Variants in CAPZB observed in about 807,000 individuals in gnomAD.
The protein encoded by CAPZB is capping actin protein of muscle Z-line subunit beta.
A neutral mutation model predicts 38.1 loss-of-function variants in CAPZB; 2 were observed. The ratio of observed to expected loss-of-function variants is 0.05; its 90% CI spans 0.02 to 0.17. The LOEUF (loss-of-function observed/expected upper bound fraction) is 0.17, where lower values mean the gene tolerates loss of function less well. Ranked by LOEUF, CAPZB falls within the 10% of genes least tolerant of loss-of-function variation. CAPZB has a pLI of 1.00. For synonymous variants in CAPZB, 107 were observed against 127.4 expected, an observed-to-expected ratio of 0.84 and a Z score of 1.08; for missense variants, 161 against 334.2, an observed-to-expected ratio of 0.48 and a Z score of 4.04.
Position 19,405,856 on chromosome 1 carries a change from T to G in CAPZB, c.93+13805A>C, listed in dbSNP as rs1197476447. ...CGAGAGCTCGCCTGAAGGTTTCAAT[T>G]ACATAAAAGGCAATGGGCCCATTAG... On this transcript the variant is annotated intron_variant, in intron 2 of 8. Coordinates refer to ENST00000264202, the MANE Select transcript of CAPZB (RefSeq NM_004930.5). 5.9e-5 allele frequency among the ~76,000 whole-genome samples: 9 copies of G among 152,140 alleles called. No individual in the cohort carries two copies. In the East Asian group the frequency reaches 1.7e-3, roughly 29 times the overall value.
At chr1:19,485,035 G>A (rs942905628) in intron 1 of CAPZB, among the ~76,000 whole-genome samples, 1 of 152,136 alleles carries the variant, frequency 6.6e-6, no homozygotes. Context: ...GGCCTAGCCT[G>A]GGCCGGAGAG....
At chr1:19,383,669 G>A (rs1206742002) in intron 3 of CAPZB, among the ~76,000 whole-genome samples, 1 of 152,028 alleles carries the variant, frequency 6.6e-6, no homozygotes, top group East Asian at 1.9e-4. Context: ...TCTATATGCT[G>A]GGACATCTGC....
chr1:19,427,989 C>G (rs1464060882), intron 1 of CAPZB, among the ~76,000 whole-genome samples: 2 of 152,180 alleles, frequency 1.3e-5, no homozygotes, highest in Non-Finnish European at 2.9e-5. Flanking sequence ...ACACAAAACC[C>G]TGGGAGATGG....
intron 6 of CAPZB, 124 bp from the exon 7 acceptor site, chr1:19,345,376 T>A (rs778325856): frequency 6.8e-5 from 53 of 777,514 alleles, no homozygotes; most frequent in Non-Finnish European, 1.1e-4. Context: ...CAGCTGCAGG[T>A]ATGACAAGGC....
At chr1:19,441,650 G>T (rs1203318562) in intron 1 of CAPZB, among the ~76,000 whole-genome samples, 2 of 151,536 alleles carry the variant, frequency 1.3e-5, no homozygotes, top group Non-Finnish European at 2.9e-5. Context: ...GATGCTGGGT[G>T]GGGTCCCCAG....
intron 4 of CAPZB, among the ~76,000 whole-genome samples, chr1:19,375,487 T>C (rs2094140245): frequency 6.6e-6 from 1 of 152,182 alleles, no homozygotes; most frequent in East Asian, 1.9e-4. Context: ...TCCTCCTTCC[T>C]CCCGAGGTGC....
At chr1:19,430,946 C>G (rs557445085) in intron 1 of CAPZB, among the ~76,000 whole-genome samples, 1 of 152,326 alleles carries the variant, frequency 6.6e-6, no homozygotes, top group East Asian at 1.9e-4. Flanking sequence ...TGCTGGCCAA[C>G]TGAGTGAGCT....
At chr1:19,472,253 T>C (rs961933352) in intron 1 of CAPZB, among the ~76,000 whole-genome samples, 21 of 152,196 alleles carry the variant, frequency 1.4e-4, no homozygotes, top group African/African-American at 5.1e-4. Context: ...ACTGAGGACA[T>C]GGAGACCCTA....
rs869210528 is a variant in CAPZB, at chr1:19,381,684, ATTTTTTTTT to A, written c.216-3040_216-3032del. On this transcript the variant is annotated intron_variant, in intron 3 of 8. Coordinates refer to ENST00000264202, the MANE Select transcript of CAPZB (RefSeq NM_004930.5). Reference sequence around the variant, plus strand: ...AGGCATGTACCACCATGCCCAGCTAATTTTTTTTTTTTTTTTTTTTTTTTTTGAGACAGA... The same window carrying A: ...AGGCATGTACCACCATGCCCAGCTAATTTTTTTTTTTTTTTTTGAGACAGA... 2.0e-4 allele frequency among the ~76,000 whole-genome samples: 17 copies of A among 84,538 alleles called. No homozygotes were observed. The Admixed American group carries it at 2.3e-3, about 11-fold the overall frequency. The allele number at this position is 84,538 out of a possible 152,430, so 55.5% of individuals were successfully genotyped here.
At chr1:19,385,712 G>A in intron 2 of CAPZB, 86 bp from the exon 3 acceptor site, 3 of 1,535,702 alleles carry the variant, frequency 2.0e-6, no homozygotes, top group Non-Finnish European at 2.7e-6. Flanking sequence ...GCCATATTGT[G>A]GTCAGTACCT....
rs1410766709 is a variant in CAPZB, at chr1:19,435,642, A to G, written c.4-15892T>C. On this transcript the variant is annotated intron_variant, in intron 1 of 8. Coordinates refer to ENST00000264202, the MANE Select transcript of CAPZB (RefSeq NM_004930.5). ...TATGCCAATATCTCATGTAATCTTAAAAATGAACCAAGGAGTTAAGTGCCA... is the reference window on the plus strand; with the variant it reads ...TATGCCAATATCTCATGTAATCTTAGAAATGAACCAAGGAGTTAAGTGCCA... Among the ~76,000 whole-genome samples, 3 of 152,366 alleles carry G rather than the reference A, an allele frequency of 2.0e-5. No homozygotes were observed. In the East Asian group the frequency reaches 5.8e-4, roughly 29 times the overall value.
At chr1:19,479,607 T>C (rs2094620349) in intron 1 of CAPZB, among the ~76,000 whole-genome samples, 1 of 152,156 alleles carries the variant, frequency 6.6e-6, no homozygotes, top group Non-Finnish European at 1.5e-5. Context: ...CCACCATCCC[T>C]TCCTTTCCAC....
chr1:19,471,529 TC>T (rs1027610044), intron 1 of CAPZB, among the ~76,000 whole-genome samples: 1 of 151,780 alleles, frequency 6.6e-6, no homozygotes, highest in East Asian at 1.9e-4. Context: ...GGAGGGCCCT[TC>T]GTTGGAACCA....
chr1:19,457,347 G>C (rs956622478), intron 1 of CAPZB, among the ~76,000 whole-genome samples: 16 of 152,140 alleles, frequency 1.1e-4, no homozygotes, highest in Non-Finnish European at 1.9e-4. Context: ...CGCAGTGCTC[G>C]CTTCCGGGCT....
intron 2 of CAPZB, among the ~76,000 whole-genome samples, chr1:19,389,972 C>T (rs1033232359): frequency 6.6e-6 from 1 of 152,188 alleles, no homozygotes; most frequent in African/African-American, 2.4e-5. Flanking sequence ...TGAATTGACT[C>T]CACACCTACA....
chr1:19,397,455 C>T (rs948486744), intron 2 of CAPZB, among the ~76,000 whole-genome samples: 4 of 152,196 alleles, frequency 2.6e-5, no homozygotes, highest in Admixed American at 2.0e-4. Flanking sequence ...TCAATGAAAG[C>T]CATGCGATCC....
intron 1 of CAPZB, among the ~76,000 whole-genome samples, chr1:19,450,165 A>AAAAAGAAAAAAAAAAG (rs2094511051): frequency 1.2e-4 from 15 of 128,140 alleles, no homozygotes; most frequent in African/African-American, 4.8e-4. Flanking sequence ...AAAAAAAAAA[A>AAAAAGAAAAAAAAAAG]AAAAGAAAAG....
At chr1:19,382,228 C>T (rs535987022) in intron 3 of CAPZB, among the ~76,000 whole-genome samples, 93 of 152,296 alleles carry the variant, frequency 6.1e-4, no homozygotes, top group African/African-American at 2.2e-3. Context: ...GCATTTCAAG[C>T]TGTTAGTCCT....
intron 1 of CAPZB, among the ~76,000 whole-genome samples, chr1:19,473,349 T>C (rs1026598785): frequency 6.6e-6 from 1 of 152,208 alleles, no homozygotes; most frequent in Non-Finnish European, 1.5e-5. Context: ...GCCAAGGCTA[T>C]GGTAGTAATT....
Sources: allele counts gnomAD v4.1 joint callset (sites outside exome capture counted in the v4.1 genomes callset), GRCh38; gene constraint gnomAD v4.1.1; transcripts MANE v1.5; gene names NCBI Gene and HGNC (gene_info 2026-07-23, HGNC 2026-07-21).